Variants in MAP3K10 observed in about 807,000 individuals in gnomAD.
The protein encoded by MAP3K10 is mitogen-activated protein kinase kinase kinase 10.
MAP3K10 carries 22 observed loss-of-function variants against 75.0 expected under a neutral mutation model. The observed-to-expected ratio is 0.29, with a 90% CI of 0.21 to 0.42. The LOEUF is 0.42. Ranked by LOEUF, MAP3K10 falls within the 10% of genes least tolerant of loss-of-function variation. The pLI, the probability that MAP3K10 is intolerant of heterozygous loss-of-function variation, is 1.00. For missense variants in MAP3K10, 1,165 were observed against 1,379.8 expected (o/e 0.84, Z 2.47); for synonymous variants, 599 against 612.9 (o/e 0.98, Z 0.34).
intron 6 of MAP3K10, among the ~76,000 whole-genome samples, chr19:40,209,961 A>G (rs1236181479): frequency 6.6e-6 from 1 of 151,966 alleles, no homozygotes; most frequent in African/African-American, 2.4e-5. Context: ...GCGAGACCCC[A>G]TCTCTACTTA....
In MAP3K10 at chr19:40,214,024, C is replaced by T; in HGVS notation, c.2345C>T (p.Ala782Val). 2 of 1,494,212 alleles carry T rather than the reference C, an allele frequency of 1.3e-6. No individual in the cohort carries two copies. Among genetic ancestry groups the T allele is most frequent in the Non-Finnish European group, 1.8e-6 (2 of 1,120,634 alleles). 92.6% of individuals were successfully genotyped at this position (1,494,212 alleles called of 1,614,324 possible). ...CCCTCCCCACCACCCTCCCCGCCCGCGCCCACACCCACGCCCTCGCCCAGC... is the reference window on the plus strand; with the variant it reads ...CCCTCCCCACCACCCTCCCCGCCCGTGCCCACACCCACGCCCTCGCCCAGC... Reference protein sequence around the residue: ...AAPSPPPSPPAPTPTPSPSTN... With the variant: ...AAPSPPPSPPVPTPTPSPSTN... Residue 782 changes from alanine (A) to valine (V), a missense_variant, in exon 9 of 10, where the codon GCG becomes GTG. Physicochemically the swap from Ala to Val is moderately conservative, Grantham distance 64. Coordinates refer to ENST00000253055, the MANE Select transcript of MAP3K10 (RefSeq NM_002446.4).
chr19:40,210,317 G>T (rs977020974), intron 6 of MAP3K10, among the ~76,000 whole-genome samples: 8 of 140,582 alleles, frequency 5.7e-5, no homozygotes, highest in Non-Finnish European at 1.0e-4. Context: ...TGAGGGATTG[G>T]CACATACGAT....
Position 40,198,419 on chromosome 19 carries a change from G to T in MAP3K10, c.727G>T (p.Val243Leu). 1 of 1,614,106 alleles carries T rather than the reference G, an allele frequency of 6.2e-7. No individual in the cohort carries two copies. ...AIENHNLADTVLKITDFGLAR... is the reference protein window; with the variant it reads ...AIENHNLADTLLKITDFGLAR... ...CGAGAACCACAACCTCGCAGACACG[G>T]TGCTCAAGATCACGGACTTCGGCCT... Residue 243 changes from valine to leucine, a missense_variant, in exon 2 of 10, where the codon GTG becomes TTG. Around this residue, in one of 2 missense-constraint regions of MAP3K10, gnomAD observed 575 missense variants for 793.2 expected, o/e 0.72. Coordinates refer to ENST00000253055, the MANE Select transcript of MAP3K10 (RefSeq NM_002446.4). This position sits in a 1 kb window ranked among gnomAD's most constrained non-coding sequence, Gnocchi z 4.3.
At position 40,213,372 on chromosome 19, in the gene MAP3K10, G is replaced by C; in HGVS notation, c.1838-145G>C. The C allele has an allele frequency of 1.4e-6, 2 of 1,463,734 alleles. No individual in the cohort carries two copies. The highest frequency in any genetic ancestry group is 2.4e-5 in the Admixed American group (1 of 41,666). The allele number at this position is 1,463,734 out of a possible 1,614,324, so 90.7% of individuals were successfully genotyped here. A position where few individuals can be genotyped will look rare whatever the true frequency, so the allele number is the denominator to read the frequency against. On this transcript the variant is annotated intron_variant, in intron 8 of 9. Transcript: ENST00000253055. The surrounding 1 kb of genome is among the most constrained non-coding windows in gnomAD (Gnocchi z 5.7). ...GGGGCAGGGACCACCCTTCTCTGAG[G>C]CTTCTCCTGGAGACAGATTCAAGAA...
At position 40,213,763 on chromosome 19, in the gene MAP3K10, G is replaced by A. The variant is rs1275735249; in HGVS notation, c.2084G>A (p.Arg695His). ...CTGGGCGCCGACGTGGCCGAGGCGC[G>A]CGCGGCCGACGGTGAGGAGCAGCGG... Reference protein sequence around the residue: ...VGLGADVAEARAADGEEQRRW... With the variant: ...VGLGADVAEAHAADGEEQRRW... The change falls in exon 9 of 10, where the codon CGC becomes CAC. Residue 695 changes from arginine to histidine, a missense_variant. Coordinates refer to ENST00000253055, the MANE Select transcript of MAP3K10 (RefSeq NM_002446.4). This position sits in a 1 kb window ranked among gnomAD's most constrained non-coding sequence, Gnocchi z 5.7. 2.6e-6 allele frequency: 3 copies of A among 1,134,298 alleles called. No homozygotes were observed. Among genetic ancestry groups the A allele is most frequent in the East Asian group, 5.5e-5 (1 of 18,180 alleles). 70.3% of individuals were successfully genotyped at this position (1,134,298 alleles called of 1,614,324 possible).
At chr19:40,208,741 C>T (rs1019524096) in intron 5 of MAP3K10, among the ~76,000 whole-genome samples, 1 of 151,782 alleles carries the variant, frequency 6.6e-6, no homozygotes, top group African/African-American at 2.4e-5. Context: ...CCCCATTGCA[C>T]AAGCCACATT....
At position 40,192,224 on chromosome 19, in the gene MAP3K10, A is replaced by C. The variant is rs762270234; in HGVS notation, c.193A>C (p.Ser65Arg). The C allele has an allele frequency of 6.2e-7, 1 of 1,605,952 alleles. No homozygotes were observed. The highest frequency in any genetic ancestry group is 8.5e-7 in the Non-Finnish European group (1 of 1,177,758). Residue 65 changes from serine (S) to arginine (R), a missense_variant, in exon 1 of 10, where the codon AGC becomes CGC. Ser to Arg is a moderately radical substitution (Grantham distance 110). Coordinates refer to ENST00000253055, the MANE Select transcript of MAP3K10 (RefSeq NM_002446.4). This position sits in a 1 kb window ranked among gnomAD's most constrained non-coding sequence, Gnocchi z 7.1. ...DEGWWTGQLP[S>R]GRVGVFPSNY... is the part of the protein sequence containing the mutation. ...GGGCTGGTGGACCGGGCAGCTCCCCAGCGGCCGCGTGGGCGTCTTCCCCAG... is the reference window on the plus strand; with the variant it reads ...GGGCTGGTGGACCGGGCAGCTCCCCCGCGGCCGCGTGGGCGTCTTCCCCAG...
intron 2 of MAP3K10, among the ~76,000 whole-genome samples, chr19:40,201,973 C>T (rs1779548960): frequency 6.6e-6 from 1 of 151,824 alleles, no homozygotes; most frequent in South Asian, 2.1e-4. Flanking sequence ...CCTTGTCCCC[C>T]ACCCCCCAGG....
intron 5 of MAP3K10, among the ~76,000 whole-genome samples, chr19:40,207,684 G>A (rs556846188): frequency 3.3e-5 from 5 of 152,196 alleles, no homozygotes; most frequent in Admixed American, 1.3e-4. Flanking sequence ...GCAGTGAGCC[G>A]AGATCGCGCC....
chr19:40,205,959 C>G lies in MAP3K10; in HGVS notation c.1237C>G (p.Arg413Gly). Residue 413 changes from arginine (R) to glycine (G), a missense_variant, in exon 5 of 10, where the codon CGC becomes GGC. This residue lies in a region of MAP3K10 where 575 missense variants were observed against 793.2 expected (regional missense o/e 0.72). Transcript: ENST00000253055. This position sits in a 1 kb window ranked among gnomAD's most constrained non-coding sequence, Gnocchi z 4.3. ...EELLRAAQEQ[R>G]FQEEQLRRRE... is the part of the protein sequence containing the mutation. ...GCTGCTGCGGGCGGCACAGGAGCAG[C>G]GCTTCCAGGAGGAGCAGCTGCGGCG... The G allele has an allele frequency of 6.2e-7, 1 of 1,605,160 alleles. No individual in the cohort carries two copies. Among genetic ancestry groups the G allele is most frequent in the Non-Finnish European group, 8.5e-7 (1 of 1,175,534 alleles).
rs1973109665 is a variant in MAP3K10 at position 40,205,864 on chromosome 19, G to A, written c.1189-47G>A. On this transcript the variant is annotated intron_variant, in intron 4 of 9. Coordinates refer to ENST00000253055, the MANE Select transcript of MAP3K10 (RefSeq NM_002446.4). This position sits in a 1 kb window ranked among gnomAD's most constrained non-coding sequence, Gnocchi z 4.3. Reference sequence around the variant, plus strand: ...GCAGCCCTGGGTCCCTCCCCAGGAAGCAGAGCAGCTAAGCCCCTCCCCCCA... The same window carrying A: ...GCAGCCCTGGGTCCCTCCCCAGGAAACAGAGCAGCTAAGCCCCTCCCCCCA... 4.8e-6 allele frequency: 7 copies of A among 1,466,130 alleles called. No individual in the cohort carries two copies. Among genetic ancestry groups the A allele is most frequent in the Non-Finnish European group, 6.3e-6 (7 of 1,106,516 alleles). 90.8% of individuals were successfully genotyped at this position (1,466,130 alleles called of 1,614,324 possible). A position where few individuals can be genotyped will look rare whatever the true frequency, so the allele number is the denominator to read the frequency against.
In MAP3K10 at chr19:40,204,169, C is replaced by A. The variant is rs564286503; in HGVS notation, c.864-316C>A. Among the ~76,000 whole-genome samples the A allele has an allele frequency of 4.9e-4, 74 of 152,158 alleles. No homozygotes were observed. Among genetic ancestry groups the A allele is most frequent in the African/African-American group, 1.7e-3 (70 of 41,482 alleles). The stretch of plus-strand genomic sequence containing the variant: ...CCCAGGAGTTTGAGACCAGCCTGGG[C>A]AACATAGTGAGACCTCCATCTCTAC... On this transcript the variant is annotated intron_variant, in intron 2 of 9. Transcript: ENST00000253055. The surrounding 1 kb of genome is among the most constrained non-coding windows in gnomAD (Gnocchi z 4.3).
In MAP3K10 at chr19:40,209,167, G is replaced by A; in HGVS notation, c.1500G>A (p.Gly500=). 2.5e-6 allele frequency: 4 copies of A among 1,614,174 alleles called. No homozygotes were observed. Among genetic ancestry groups the A allele is most frequent in the Non-Finnish European group, 3.4e-6 (4 of 1,180,020 alleles). Residue 500 remains glycine, a synonymous_variant, in exon 6 of 10, where the codon GGG becomes GGA. Transcript: ENST00000253055. Reference sequence around the variant, plus strand: ...TGGATAAGCGGAAAGGATCCGATGGGGCCAGCCCCCCTGCAAGCCCCAGCA... The same window carrying A: ...TGGATAAGCGGAAAGGATCCGATGGAGCCAGCCCCCCTGCAAGCCCCAGCA... The part of the protein sequence containing the change: ...PTLDKRKGSD[G]ASPPASPSII...
At chr19:40,201,227 C>T (rs578170740) in intron 2 of MAP3K10, among the ~76,000 whole-genome samples, 68 of 149,150 alleles carry the variant, frequency 4.6e-4, no homozygotes, top group African/African-American at 1.6e-3. Context: ...GGCCGGAGTA[C>T]AGCGGCGCGA....
Position 40,213,682 on chromosome 19 carries a change from G to C in MAP3K10, c.2003G>C (p.Arg668Pro), listed in dbSNP as rs1482739963. 4.5e-6 allele frequency: 5 copies of C among 1,105,408 alleles called. No individual in the cohort carries two copies. Among genetic ancestry groups the C allele is most frequent in the Admixed American group, 5.4e-5 (1 of 18,676 alleles). 68.5% of individuals were successfully genotyped at this position (1,105,408 alleles called of 1,614,324 possible). A position where few individuals can be genotyped will look rare whatever the true frequency, so the allele number is the denominator to read the frequency against. The stretch of plus-strand genomic sequence containing the variant: ...CCCGCTCGGTGGGGACACGGCGCCC[G>C]GCGGCGCTGCGACCTGGCGCTGCTA... ...APPARWGHGARRRCDLALLGC... is the reference protein window; with the variant it reads ...APPARWGHGAPRRCDLALLGC... Residue 668 changes from arginine (R) to proline (P), a missense_variant, in exon 9 of 10, where the codon CGG (arginine) becomes CCG (proline). Arg to Pro is a moderately radical substitution (Grantham distance 103, BLOSUM62 -2). This residue lies in a region of MAP3K10 where 590 missense variants were observed against 586.6 expected (regional missense o/e 1.01). Coordinates refer to ENST00000253055, the MANE Select transcript of MAP3K10 (RefSeq NM_002446.4). This position sits in a 1 kb window ranked among gnomAD's most constrained non-coding sequence, Gnocchi z 5.7.
intron 2 of MAP3K10, among the ~76,000 whole-genome samples, chr19:40,203,237 G>A (rs1161092019): frequency 1.3e-5 from 2 of 152,128 alleles, no homozygotes; most frequent in African/African-American, 2.4e-5. Flanking sequence ...TACTTGGGAG[G>A]CTGAGGCACA....
chr19:40,198,400 C>A lies in MAP3K10; in HGVS notation c.708C>A (p.Asn236Lys), dbSNP rs745662251. ...TCCTGATCCTGGAGGCCATCGAGAACCACAACCTCGCAGACACGGTGCTCA... is the reference window on the plus strand; with the variant it reads ...TCCTGATCCTGGAGGCCATCGAGAAACACAACCTCGCAGACACGGTGCTCA... ...INILILEAIENHNLADTVLKI... is the reference protein window; with the variant it reads ...INILILEAIEKHNLADTVLKI... Residue 236 changes from asparagine (N) to lysine (K), a missense_variant, in exon 2 of 10, where the codon AAC becomes AAA. By Grantham distance (94) the Asn-to-Lys change is moderately conservative. This residue lies in a region of MAP3K10 where 575 missense variants were observed against 793.2 expected (regional missense o/e 0.72). Coordinates refer to ENST00000253055, the MANE Select transcript of MAP3K10 (RefSeq NM_002446.4). This position sits in a 1 kb window ranked among gnomAD's most constrained non-coding sequence, Gnocchi z 4.3. 6.2e-7 allele frequency: 1 copy of A among 1,613,806 alleles called. No individual in the cohort carries two copies. The highest frequency in any genetic ancestry group is 1.7e-5 in the Admixed American group (1 of 60,008).
At position 40,205,775 on chromosome 19, in the gene MAP3K10, T is replaced by G; in HGVS notation, c.1189-136T>G. ...CCCAGCTTGGCTAGCAAAGCATGAGTCGGGTGGTGAAACCAGTGTACCCCA... is the reference window on the plus strand; with the variant it reads ...CCCAGCTTGGCTAGCAAAGCATGAGGCGGGTGGTGAAACCAGTGTACCCCA... On this transcript the variant is annotated intron_variant, in intron 4 of 9. Coordinates refer to ENST00000253055, the MANE Select transcript of MAP3K10 (RefSeq NM_002446.4). The surrounding 1 kb of genome is among the most constrained non-coding windows in gnomAD (Gnocchi z 4.3). The G allele has an allele frequency of 2.2e-6, 2 of 930,092 alleles. No individual in the cohort carries two copies. The highest frequency in any genetic ancestry group is 2.0e-5 in the South Asian group (1 of 50,300). The allele number at this position is 930,092 out of a possible 1,614,324, so 57.6% of individuals were successfully genotyped here.
At chr19:40,208,244 T>C (rs554422166) in intron 5 of MAP3K10, among the ~76,000 whole-genome samples, 13 of 151,630 alleles carry the variant, frequency 8.6e-5, no homozygotes, top group African/African-American at 2.7e-4. Context: ...TGATCTCGGC[T>C]CACTGCAAGC....
Sources: allele counts gnomAD v4.1 joint callset (sites outside exome capture counted in the v4.1 genomes callset), GRCh38; gene constraint gnomAD v4.1.1; regional missense constraint gnomAD v4.1.1; non-coding constraint Gnocchi (gnomAD v3.1); transcripts MANE v1.5; gene names NCBI Gene and HGNC (gene_info 2026-07-23, HGNC 2026-07-21).